The following SRP54 variants were observed in gnomAD, a reference collection of about 807,000 sequenced individuals.
SRP54 encodes the protein signal recognition particle subunit SRP54.
In SRP54, 10 loss-of-function variants were observed where a neutral mutation model predicts 64.8. The ratio of observed to expected loss-of-function variants is 0.15; its 90% CI spans 0.10 to 0.26. The LOEUF is 0.26. Among genes scored for constraint, SRP54 ranks in the 10% least tolerant of loss-of-function variants. The pLI is 1.00. For missense variants in SRP54, 325 were observed against 613.7 expected (o/e 0.53, Z 4.97); for synonymous variants, 193 against 185.6 (o/e 1.04, Z -0.32).
chr14:34,992,121 T>C (rs2043989772), intron 1 of SRP54, among the ~76,000 whole-genome samples: 2 of 151,452 alleles, frequency 1.3e-5, no homozygotes, highest in South Asian at 4.1e-4. Flanking sequence ...TTAGTAGAGA[T>C]GGGGTTTCGC....
chr14:35,019,724 C>G (rs1595011048), intron 13 of SRP54, among the ~76,000 whole-genome samples: 1 of 152,096 alleles, frequency 6.6e-6, no homozygotes, highest in African/African-American at 2.4e-5. Context: ...TGGTTCTAGA[C>G]CACTGCAGTA....
At chr14:35,016,530 T>C (rs1262173514) in intron 11 of SRP54, among the ~76,000 whole-genome samples, 1 of 152,238 alleles carries the variant, frequency 6.6e-6, no homozygotes. Context: ...CCAAGATGGC[T>C]AACTGCTACT....
chr14:34,993,604 T>G (rs543961420), intron 1 of SRP54, among the ~76,000 whole-genome samples: 1 of 152,176 alleles, frequency 6.6e-6, no homozygotes, highest in African/African-American at 2.4e-5. Flanking sequence ...TTTCCCTTCC[T>G]GCCTTTTTAT....
intron 4 of SRP54, among the ~76,000 whole-genome samples, chr14:35,002,006 A>G (rs1212610570): frequency 6.6e-6 from 1 of 151,516 alleles, no homozygotes; most frequent in Non-Finnish European, 1.5e-5. Context: ...TTTGAGACCA[A>G]CCAGGGCAAC....
intron 1 of SRP54, among the ~76,000 whole-genome samples, chr14:34,986,122 C>T (rs908094013): frequency 1.3e-5 from 2 of 150,290 alleles, no homozygotes; most frequent in Non-Finnish European, 3.0e-5. Flanking sequence ...CCTCTTGTTG[C>T]TAATTGACTT....
chr14:35,008,363 AATTAAC>A (rs2044300519), intron 5 of SRP54, among the ~76,000 whole-genome samples: 2 of 152,184 alleles, frequency 1.3e-5, no homozygotes, highest in Non-Finnish European at 2.9e-5. Flanking sequence ...GTTTGTTTTT[AATTAAC>A]ATTAATAGTA....
intron 1 of SRP54, among the ~76,000 whole-genome samples, chr14:34,988,584 T>TATAAC (rs2043936248): frequency 2.7e-5 from 2 of 74,918 alleles, no homozygotes; most frequent in African/African-American, 9.0e-5. Flanking sequence ...AAAAAATATA[T>TATAAC]ATATATATAT....
At chr14:34,992,688 T>C (rs975743379) in intron 1 of SRP54, among the ~76,000 whole-genome samples, 4 of 152,102 alleles carry the variant, frequency 2.6e-5, no homozygotes, top group Non-Finnish European at 5.9e-5. Flanking sequence ...CCTCTTGGGT[T>C]CAAGGTTCAA....
chr14:35,014,043 A>G, intron 10 of SRP54, 141 bp downstream of exon 10: 1 of 626,088 alleles, frequency 1.6e-6, no homozygotes, highest in Non-Finnish European at 2.7e-6. Flanking sequence ...TGTAAAATAG[A>G]GATAATGGTT....
At chr14:34,989,926 G>A (rs1275677313) in intron 1 of SRP54, among the ~76,000 whole-genome samples, 2 of 152,194 alleles carry the variant, frequency 1.3e-5, no homozygotes, top group Non-Finnish European at 2.9e-5. Flanking sequence ...TGAGGAAAGT[G>A]AGGCTCAGAG....
intron 1 of SRP54, among the ~76,000 whole-genome samples, chr14:34,990,683 C>A (rs1173751807): frequency 6.6e-6 from 1 of 152,128 alleles, no homozygotes; most frequent in Admixed American, 6.5e-5. Flanking sequence ...TTAGGCTTAG[C>A]TATTAACATA....
At chr14:34,988,578 A>AAAAAAAAAAAAAAAATAT (rs1384552218) in intron 1 of SRP54, among the ~76,000 whole-genome samples, 1 of 47,102 alleles carries the variant, frequency 2.1e-5, no homozygotes, top group Non-Finnish European at 4.8e-5. Context: ...AAAAAAAAAA[A>AAAAAAAAAAAAAAAATAT]ATATATATAT....
chr14:35,008,369 CATT>C, intron 5 of SRP54, among the ~76,000 whole-genome samples: 1 of 152,236 alleles, frequency 6.6e-6, no homozygotes, highest in South Asian at 2.1e-4. Context: ...TTTTAATTAA[CATT>C]AATAGTAGTT....
intron 5 of SRP54, among the ~76,000 whole-genome samples, chr14:35,008,027 C>T (rs1255730830): frequency 6.6e-6 from 1 of 152,002 alleles, no homozygotes; most frequent in Non-Finnish European, 1.5e-5. Flanking sequence ...GAGAAGAGAA[C>T]ATGGAGTTTA....
At chr14:34,986,353 T>C (rs1177104574) in intron 1 of SRP54, among the ~76,000 whole-genome samples, 2 of 152,172 alleles carry the variant, frequency 1.3e-5, no homozygotes, top group South Asian at 2.1e-4. Flanking sequence ...TAAACTGTTA[T>C]ATTTGATTAG....
In SRP54 at chr14:34,988,578, A is replaced by AT. The variant is rs1555352767; in HGVS notation, c.-34+5363_-34+5364insT. Among the ~76,000 whole-genome samples the AT allele has an allele frequency of 8.7e-3, 408 of 47,054 alleles. 22 individuals carry two copies. The highest frequency in any genetic ancestry group is 0.025 in the East Asian group (51 of 2,066). The allele number at this position is 47,054 out of a possible 152,430, so 30.9% of individuals were successfully genotyped here. On this transcript the variant is annotated intron_variant, in intron 1 of 15. Transcript: ENST00000216774. ...TCCATCTCAAAAAAAAAAAAAAAAA[A>AT]ATATATATATATATATAACATATAT...
rs551342354 is a variant in SRP54 at position 35,027,374 on chromosome 14, C to G, written c.1328-714C>G. Among the ~76,000 whole-genome samples, 588 of 152,272 alleles carry G rather than the reference C, an allele frequency of 3.9e-3. 6 individuals are homozygous for G. The highest frequency in any genetic ancestry group is 0.014 in the African/African-American group (571 of 41,576). ...TATTCATCTACCAGCCATCCAGTCT[C>G]TTTGCTAATTAACCCATGTCTATAA... On this transcript the variant is annotated intron_variant, in intron 14 of 15. Coordinates refer to ENST00000216774, the MANE Select transcript of SRP54 (RefSeq NM_003136.4).
intron 2 of SRP54, 126 bp downstream of exon 2, chr14:34,996,913 C>A: frequency 1.6e-6 from 1 of 627,920 alleles, no homozygotes; most frequent in South Asian, 2.4e-5. Context: ...AGATAAAAGC[C>A]TAAAAGTGGA....
chr14:34,990,554 A>G (rs1489922068), intron 1 of SRP54, among the ~76,000 whole-genome samples: 1 of 152,212 alleles, frequency 6.6e-6, no homozygotes, highest in Non-Finnish European at 1.5e-5. Flanking sequence ...GCCCCATCTA[A>G]GTAGAGATTC....
Sources: allele counts gnomAD v4.1 joint callset (sites outside exome capture counted in the v4.1 genomes callset), GRCh38; gene constraint gnomAD v4.1.1; transcripts MANE v1.5; gene names NCBI Gene and HGNC (gene_info 2026-07-23, HGNC 2026-07-21).